Variants in CNOT4 observed in about 807,000 individuals in gnomAD.
The protein encoded by CNOT4 is CCR4-NOT transcription complex subunit 4.
A neutral mutation model predicts 73.8 loss-of-function variants in CNOT4; 8 were observed. That is an observed-to-expected ratio of 0.11 (90% CI 0.06 to 0.20). CNOT4 has a LOEUF of 0.20. Ranked by LOEUF, CNOT4 falls within the 10% of genes least tolerant of loss-of-function variation. The pLI is 1.00. For synonymous variants in CNOT4, 293 were observed against 321.1 expected (o/e 0.91, Z 0.94); for missense variants, 564 against 883.4 (o/e 0.64, Z 4.58).
chr7:135,444,493 A>G (rs1172865180), intron 1 of CNOT4: 12 of 848,514 alleles, frequency 1.4e-5, no homozygotes, highest in South Asian at 2.6e-5. Flanking sequence ...TGCAGTGCCC[A>G]AGGAGGTCGA....
intron 1 of CNOT4, among the ~76,000 whole-genome samples, chr7:135,468,579 C>G (rs879543682): frequency 1.3e-5 from 2 of 151,438 alleles, no homozygotes. Flanking sequence ...TACTCAGGAG[C>G]CTGAGACATG....
chr7:135,397,689 T>A (rs1049433844), intron 8 of CNOT4, among the ~76,000 whole-genome samples: 1 of 151,906 alleles, frequency 6.6e-6, no homozygotes, highest in Non-Finnish European at 1.5e-5. Flanking sequence ...CTCAGTTTCA[T>A]AGTAAATTCA....
chr7:135,393,794 C>T (rs1249835498), intron 10 of CNOT4, 124 bp downstream of exon 10: 1 of 676,996 alleles, frequency 1.5e-6, no homozygotes, highest in African/African-American at 1.8e-5. Context: ...ATGATAAAGA[C>T]TAATCTTTCA....
rs1014675848 is a variant in CNOT4 at position 135,459,530 on chromosome 7, A to G, written c.-92-21107T>C. Among the ~76,000 whole-genome samples, 26 of 152,254 alleles carry G rather than the reference A, an allele frequency of 1.7e-4. 1 individual carries two copies. Among genetic ancestry groups the G allele is most frequent in the Non-Finnish European group, 3.4e-4 (23 of 68,042 alleles). Reference sequence around the variant, plus strand: ...AGGATGTACTTTTACAAGCTGTGGTATATAACATGAAATATAATCATCTGT... The same window carrying G: ...AGGATGTACTTTTACAAGCTGTGGTGTATAACATGAAATATAATCATCTGT... On this transcript the variant is annotated intron_variant, in intron 1 of 11. Coordinates refer to ENST00000541284, the MANE Select transcript of CNOT4 (RefSeq NM_001190850.2).
intron 10 of CNOT4, among the ~76,000 whole-genome samples, chr7:135,375,139 A>G (rs1795449754): frequency 6.6e-6 from 1 of 152,248 alleles, no homozygotes; most frequent in Admixed American, 6.5e-5. Context: ...AGTTTTAATA[A>G]AAGACATCTA....
chr7:135,471,740 G>A (rs1418150699), intron 1 of CNOT4, among the ~76,000 whole-genome samples: 2 of 152,164 alleles, frequency 1.3e-5, no homozygotes, highest in Non-Finnish European at 2.9e-5. Context: ...ACAATGACTT[G>A]TATTATTCCA....
At chr7:135,507,169 C>T (rs1804429914) in intron 1 of CNOT4, among the ~76,000 whole-genome samples, 1 of 152,136 alleles carries the variant, frequency 6.6e-6, no homozygotes, top group Admixed American at 6.5e-5. Context: ...AGTTGAAGGG[C>T]ATTACAAAAA....
chr7:135,400,655 T>A (rs534557942), intron 7 of CNOT4, among the ~76,000 whole-genome samples: 1 of 152,140 alleles, frequency 6.6e-6, no homozygotes, highest in Non-Finnish European at 1.5e-5. Flanking sequence ...ATAACTTATA[T>A]CACTTTGTCC....
At chr7:135,381,896 T>C (rs1242694794) in intron 10 of CNOT4, among the ~76,000 whole-genome samples, 1 of 152,218 alleles carries the variant, frequency 6.6e-6, no homozygotes, top group Non-Finnish European at 1.5e-5. Context: ...ATAGTGGGTC[T>C]GAGCACCCAA....
In CNOT4 at chr7:135,429,647, A is replaced by T. The variant is rs539781837; in HGVS notation, c.175-7294T>A. Among the ~76,000 whole-genome samples, 6 of 152,336 alleles carry T rather than the reference A, an allele frequency of 3.9e-5. 1 individual carries two copies. In the South Asian group the frequency reaches 1.2e-3, roughly 32 times the overall value. On this transcript the variant is annotated intron_variant, in intron 2 of 11. Transcript: ENST00000541284. ...CAGGATTACATTATTATAAAATGCAAATGTTATTTACACTCTTCCACTTCC... is the reference window on the plus strand; with the variant it reads ...CAGGATTACATTATTATAAAATGCATATGTTATTTACACTCTTCCACTTCC...
intron 10 of CNOT4, among the ~76,000 whole-genome samples, chr7:135,383,490 G>C (rs1185872010): frequency 6.6e-6 from 1 of 152,114 alleles, no homozygotes; most frequent in Non-Finnish European, 1.5e-5. Context: ...GTTTTCCTTT[G>C]ATCATTTTCA....
In CNOT4 at chr7:135,389,226, C is replaced by T. The variant is rs577794717; in HGVS notation, c.1627+4692G>A. Among the ~76,000 whole-genome samples, 9 of 144,528 alleles carry T rather than the reference C, an allele frequency of 6.2e-5. 1 individual carries two copies. The South Asian group carries it at 2.0e-3, about 32-fold the overall frequency. The allele number at this position is 144,528 out of a possible 152,430, so 94.8% of individuals were successfully genotyped here. The stretch of plus-strand genomic sequence containing the variant: ...CAAGCCAATTGGACCCTTATAGATA[C>T]TCCTAGTAAATGGTAAATATTAATA... On this transcript the variant is annotated intron_variant, in intron 10 of 11. Coordinates refer to ENST00000541284, the MANE Select transcript of CNOT4 (RefSeq NM_001190850.2).
chr7:135,401,111 T>C (rs1162593157), intron 7 of CNOT4, among the ~76,000 whole-genome samples: 3 of 152,206 alleles, frequency 2.0e-5, no homozygotes, highest in Non-Finnish European at 4.4e-5. Context: ...GTTTCTCTAA[T>C]GGCTGGAGAG....
At chr7:135,413,714 C>A in intron 5 of CNOT4, 101 bp from the exon 6 acceptor site, 1 of 1,161,300 alleles carries the variant, frequency 8.6e-7, no homozygotes, top group East Asian at 2.6e-5. Flanking sequence ...TAAAATGAGG[C>A]ACAAACATGA....
At chr7:135,387,182 G>C in intron 10 of CNOT4, 2 of 982,422 alleles carry the variant, frequency 2.0e-6, no homozygotes, top group Non-Finnish European at 2.4e-6. Flanking sequence ...TATTTTATTG[G>C]CATTTTCCAA....
intron 1 of CNOT4, among the ~76,000 whole-genome samples, chr7:135,505,698 A>T (rs1027956342): frequency 6.6e-6 from 1 of 152,180 alleles, no homozygotes; most frequent in Non-Finnish European, 1.5e-5. Context: ...AGTAGCTTAT[A>T]ATTTCTCTTT....
chr7:135,418,195 C>T (rs1236370413), intron 3 of CNOT4, among the ~76,000 whole-genome samples: 2 of 152,146 alleles, frequency 1.3e-5, no homozygotes, highest in Non-Finnish European at 2.9e-5. Flanking sequence ...AATAGGCTGC[C>T]CAGGCAAGGG....
chr7:135,464,009 C>T (rs1251426809), intron 1 of CNOT4, among the ~76,000 whole-genome samples: 7 of 85,154 alleles, frequency 8.2e-5, no homozygotes, highest in Non-Finnish European at 1.6e-4. Flanking sequence ...ATCAGGATGG[C>T]TATTATTAAA....
intron 2 of CNOT4, among the ~76,000 whole-genome samples, chr7:135,433,360 T>TC: frequency 6.7e-6 from 1 of 149,128 alleles, no homozygotes; most frequent in East Asian, 1.9e-4. Context: ...CTTTTTTTTT[T>TC]TTTTTTTTTT....
Sources: gnomAD v4.1 joint callset for allele counts (sites outside exome capture counted in the v4.1 genomes callset) on GRCh38, gnomAD v4.1.1 for gene constraint, MANE v1.5 for transcripts, NCBI Gene and HGNC (gene_info 2026-07-23, HGNC 2026-07-21) for gene names.